Variants in WDR72 observed in about 807,000 individuals in gnomAD.
WDR72 encodes the protein WD repeat-containing protein 72.
Under a neutral mutation model 124.2 loss-of-function variants are expected in WDR72, and 120 were observed. The observed-to-expected ratio is 0.97, with a 90% CI of 0.83 to 1.12. The LOEUF is 1.12. Among genes scored for constraint, WDR72 ranks in the 50% most tolerant of loss-of-function variants. The pLI is 0.00. For missense variants in WDR72, 1,387 were observed against 1,278.8 expected, an observed-to-expected ratio of 1.08 and a Z score of -1.29; for synonymous variants, 452 against 441.7, an observed-to-expected ratio of 1.02 and a Z score of -0.29.
intron 13 of WDR72, among the ~76,000 whole-genome samples, chr15:53,690,381 A>G (rs1478366681): frequency 6.6e-6 from 1 of 152,106 alleles, no homozygotes; most frequent in African/African-American, 2.4e-5. Context: ...GTTTCAAAAC[A>G]TTTTCATCTT....
intron 13 of WDR72, among the ~76,000 whole-genome samples, chr15:53,686,688 A>G (rs1380922505): frequency 6.7e-6 from 1 of 149,774 alleles, no homozygotes; most frequent in East Asian, 2.0e-4. Flanking sequence ...CAGGAATTGA[A>G]CTCAGCTCTG....
chr15:53,665,506 G>T lies in WDR72; in HGVS notation c.1962+66C>A, dbSNP rs981045306. On this transcript the variant is annotated intron_variant, in intron 14 of 19. Transcript: ENST00000360509. ...TGATACTTAAGTGCCATGTATTTATGAATGCATATAACTTCTTATTCGGTT... is the reference window on the plus strand; with the variant it reads ...TGATACTTAAGTGCCATGTATTTATTAATGCATATAACTTCTTATTCGGTT... 5.1e-6 allele frequency: 8 copies of T among 1,554,022 alleles called. No homozygotes were observed. The African/African-American group carries it at 1.1e-4, about 21-fold the overall frequency.
At chr15:53,760,958 T>C (rs1274461361), upstream of WDR72, among the ~76,000 whole-genome samples, 1 of 152,058 alleles carries the variant, frequency 6.6e-6, no homozygotes, top group Non-Finnish European at 1.5e-5. Context: ...AACCTGTCTC[T>C]ACTGAAAATG....
intron 14 of WDR72, among the ~76,000 whole-genome samples, chr15:53,657,123 T>G (rs1394358578): frequency 2.7e-5 from 4 of 150,172 alleles, no homozygotes; most frequent in Admixed American, 6.6e-5. Flanking sequence ...AATTAGCCGG[T>G]TGTGGTGGCA....
chr15:53,590,733 T>A (rs1345264690), intron 18 of WDR72, among the ~76,000 whole-genome samples: 3 of 152,064 alleles, frequency 2.0e-5, no homozygotes, highest in Non-Finnish European at 4.4e-5. Context: ...ATTTAACTTC[T>A]CTGAATCTGT....
At chr15:53,611,919 G>C (rs2013556550) in intron 16 of WDR72, among the ~76,000 whole-genome samples, 1 of 152,084 alleles carries the variant, frequency 6.6e-6, no homozygotes, top group South Asian at 2.1e-4. Context: ...AGTCGTGTGA[G>C]GGCCACTGTG....
chr15:53,634,936 G>T (rs1275607558), intron 14 of WDR72, among the ~76,000 whole-genome samples: 2 of 152,192 alleles, frequency 1.3e-5, no homozygotes, highest in East Asian at 3.8e-4. Flanking sequence ...TTCCTGTCAG[G>T]GAGGTCCAGA....
At chr15:53,667,368 A>C (rs962850767) in intron 13 of WDR72, among the ~76,000 whole-genome samples, 3 of 152,096 alleles carry the variant, frequency 2.0e-5, no homozygotes, top group Non-Finnish European at 4.4e-5. Context: ...AAGAATAAAC[A>C]CAAAGTTCGT....
chr15:53,535,920 G>C (rs796950991), intron 18 of WDR72, among the ~76,000 whole-genome samples: 3 of 152,232 alleles, frequency 2.0e-5, no homozygotes, highest in African/African-American at 7.2e-5. Context: ...ACTTCACACA[G>C]ATTCCATTTA....
At chr15:53,637,025 TCCCA>T (rs2014649500) in intron 14 of WDR72, among the ~76,000 whole-genome samples, 1 of 152,178 alleles carries the variant, frequency 6.6e-6, no homozygotes, top group Admixed American at 6.5e-5. Context: ...CCATTGCCAC[TCCCA>T]CCATTAACCT....
intron 18 of WDR72, among the ~76,000 whole-genome samples, chr15:53,538,907 T>C (rs1892911853): frequency 6.6e-6 from 1 of 152,146 alleles, no homozygotes; most frequent in Non-Finnish European, 1.5e-5. Context: ...TTGCTTTTGG[T>C]CTTTACAACA....
At chr15:53,532,727 C>G (rs537157208) in intron 18 of WDR72, among the ~76,000 whole-genome samples, 1 of 151,720 alleles carries the variant, frequency 6.6e-6, no homozygotes, top group African/African-American at 2.4e-5. Flanking sequence ...GTTTGGTAGA[C>G]TATAGTTAAC....
chr15:53,604,058 T>C (rs375988102), intron 17 of WDR72, among the ~76,000 whole-genome samples: 14 of 152,160 alleles, frequency 9.2e-5, no homozygotes, highest in African/African-American at 2.7e-4. Flanking sequence ...GTTGGAGGCA[T>C]CACGTTACCT....
chr15:53,720,965 T>C (rs1032763641), intron 3 of WDR72, among the ~76,000 whole-genome samples: 7 of 152,166 alleles, frequency 4.6e-5, no homozygotes, highest in Non-Finnish European at 1.5e-5. Flanking sequence ...ATCTGGGACT[T>C]CTCAAATCTA....
In WDR72 at chr15:53,635,999, C is replaced by A. The variant is rs74015840; in HGVS notation, c.1963-19756G>T. ...ATCAAAGCTCCAAGCAACCCATTTG[C>A]AAGCTGGGAATACGATTCATCCTCA... On this transcript the variant is annotated intron_variant, in intron 14 of 19. Transcript: ENST00000360509. Among the ~76,000 whole-genome samples the A allele has an allele frequency of 6.8e-3, 1,029 of 152,216 alleles. 16 individuals are homozygous for A. Among genetic ancestry groups the A allele is most frequent in the African/African-American group, 0.024 (995 of 41,534 alleles).
chr15:53,686,146 C>A (rs1166338104), intron 13 of WDR72, among the ~76,000 whole-genome samples: 2 of 145,406 alleles, frequency 1.4e-5, no homozygotes, highest in African/African-American at 5.2e-5. Context: ...GACGAAACTG[C>A]ATCAACTAAT....
At chr15:53,673,670 A>G (rs1012048502) in intron 13 of WDR72, among the ~76,000 whole-genome samples, 31 of 152,200 alleles carry the variant, frequency 2.0e-4, no homozygotes, top group African/African-American at 7.5e-4. Flanking sequence ...TGGATTGTGG[A>G]AAAAGCATAT....
chr15:53,522,368 G>A (rs1030483064), intron 19 of WDR72, among the ~76,000 whole-genome samples: 2 of 151,804 alleles, frequency 1.3e-5, no homozygotes, highest in African/African-American at 4.8e-5. Context: ...GATGTGAGAG[G>A]GTAGAGGGTA....
intron 18 of WDR72, among the ~76,000 whole-genome samples, chr15:53,588,242 C>T (rs979514652): frequency 1.3e-5 from 2 of 151,950 alleles, no homozygotes; most frequent in Non-Finnish European, 2.9e-5. Flanking sequence ...TTAATGAGCA[C>T]CCATCATACA....
Sources: gnomAD v4.1 joint callset for allele counts (sites outside exome capture counted in the v4.1 genomes callset) on GRCh38, gnomAD v4.1.1 for gene constraint, MANE v1.5 for transcripts, NCBI Gene and HGNC (gene_info 2026-07-23, HGNC 2026-07-21) for gene names.